The following PSD variants were observed in gnomAD, a reference collection of about 807,000 sequenced individuals.
PSD encodes PH and SEC7 domain-containing protein 1.
In PSD, 32 loss-of-function variants were observed where a neutral mutation model predicts 91.6. The observed-to-expected ratio is 0.35, with a 90% CI of 0.26 to 0.47. The LOEUF (loss-of-function observed/expected upper bound fraction) is 0.47, where lower values mean the gene tolerates loss of function less well. Ranked by LOEUF, PSD falls within the 20% of genes least tolerant of loss-of-function variation. The pLI is 1.00. For missense variants in PSD, 1,099 were observed against 1,373.9 expected, an observed-to-expected ratio of 0.80 and a Z score of 3.16; for synonymous variants, 532 against 569.3, an observed-to-expected ratio of 0.93 and a Z score of 0.93.
Position 102,404,347 on chromosome 10 carries a change from C to CAA in PSD, c.2700+234_2700+235dup, listed in dbSNP as rs35527887. 2.1e-3 allele frequency among the ~76,000 whole-genome samples: 219 copies of CAA among 102,902 alleles called. 1 individual carries two copies. The highest frequency in any genetic ancestry group is 6.1e-3 in the African/African-American group (155 of 25,534). 67.5% of individuals were successfully genotyped at this position (102,902 alleles called of 152,430 possible). A position where few individuals can be genotyped will look rare whatever the true frequency, so the allele number is the denominator to read the frequency against. The stretch of plus-strand genomic sequence containing the variant: ...TGGGCAACAGAGCGAGACTCCATCT[C>CAA]AAAAAAAAAAAAAAAAAAGATGCCC... On this transcript the variant is annotated intron_variant, in intron 15 of 16. Coordinates refer to ENST00000020673, the MANE Select transcript of PSD (RefSeq NM_002779.5). This position sits in a 1 kb window ranked among gnomAD's most constrained non-coding sequence, Gnocchi z 5.7.
chr10:102,419,945 A>G, upstream of PSD: 1 of 287,084 alleles, frequency 3.5e-6, no homozygotes, highest in Non-Finnish European at 6.5e-6. This position sits in a 1 kb window ranked among gnomAD's most constrained non-coding sequence, Gnocchi z 4.8. Flanking sequence ...GGGTGGGGAA[A>G]CGTGGAAGGA....
chr10:102,405,296 C>T lies in PSD; in HGVS notation c.2327-43G>A. 6.2e-7 allele frequency: 1 copy of T among 1,608,954 alleles called. No individual in the cohort carries two copies. On this transcript the variant is annotated intron_variant, in intron 12 of 16. Transcript: ENST00000020673. This position sits in a 1 kb window ranked among gnomAD's most constrained non-coding sequence, Gnocchi z 5.4. ...AGGTCAGGGGGCCCTGGAACAGGCC[C>T]ACTCCCATCCATCCCCTAGACGCCC...
At position 102,416,367 on chromosome 10, in the gene PSD, C is replaced by A; in HGVS notation, c.654+18G>T. On this transcript the variant is annotated intron_variant, in intron 2 of 16. Transcript: ENST00000020673. The surrounding 1 kb of genome is among the most constrained non-coding windows in gnomAD (Gnocchi z 6.0). ...CCCCTTCACTGGGGGCCCAGGGAGC[C>A]CAGGGGAAGTTGCATACCTGGTTCA... 1 of 1,584,350 alleles carries A rather than the reference C, an allele frequency of 6.3e-7. No homozygotes were observed. Among genetic ancestry groups the A allele is most frequent in the Non-Finnish European group, 8.6e-7 (1 of 1,165,934 alleles).
At chr10:102,408,928 G>C (rs1259941268) in intron 10 of PSD, 2 of 987,426 alleles carry the variant, frequency 2.0e-6, no homozygotes, top group African/African-American at 3.5e-5. Context: ...GCAGGCGGCT[G>C]ACCACCAGGT....
In PSD at chr10:102,404,986, G is replaced by C; in HGVS notation, c.2467C>G (p.Leu823Val). The C allele has an allele frequency of 1.9e-6, 3 of 1,614,098 alleles. No individual in the cohort carries two copies. The highest frequency in any genetic ancestry group is 2.5e-6 in the Non-Finnish European group (3 of 1,179,982). The change falls in exon 14 of 17, where the codon CTG becomes GTG. Residue 823 changes from leucine to valine, a missense_variant. Leu to Val is a conservative substitution (Grantham distance 32). Transcript: ENST00000020673. This position sits in a 1 kb window ranked among gnomAD's most constrained non-coding sequence, Gnocchi z 5.7. Reference protein sequence around the residue: ...LKNAISIHHALATRASDYSKR... With the variant: ...LKNAISIHHAVATRASDYSKR... ...CTGTAGTCACTGGCACGAGTGGCCAGGGCATGGTGGATGCTGATGGCATTC... is the reference window on the plus strand; with the variant it reads ...CTGTAGTCACTGGCACGAGTGGCCACGGCATGGTGGATGCTGATGGCATTC...
rs566899072 is a variant in PSD at position 102,416,867 on chromosome 10, G to A, written c.172C>T (p.Arg58Trp). ...GGTGCTGTCACACGTCCCAGTTCCC[G>A]GCCTCGAGGACCTGGACCTGCCACT... The part of the protein sequence containing the change: ...RRVAGPGPRG[R>W]ELGRVTAPCT... The change falls in exon 2 of 17, where the codon CGG becomes TGG. Residue 58 changes from arginine (R) to tryptophan (W), a missense_variant. Coordinates refer to ENST00000020673, the MANE Select transcript of PSD (RefSeq NM_002779.5). The surrounding 1 kb of genome is among the most constrained non-coding windows in gnomAD (Gnocchi z 6.0). 6.9e-6 allele frequency: 11 copies of A among 1,600,472 alleles called. No homozygotes were observed. Among genetic ancestry groups the A allele is most frequent in the South Asian group, 2.2e-5 (2 of 89,234 alleles).
In PSD at chr10:102,405,529, C is replaced by T; in HGVS notation, c.2143G>A (p.Glu715Lys). ...NEKLQWAIDE[E>K]ELRRSLSELA... is the part of the protein sequence containing the mutation. ...TCAGACAGAGAGCGTCTCAGCTCCT[C>T]CTCGTCTCTGCAGGTGTGATCACCT... Residue 715 changes from glutamate (E) to lysine (K), a missense_variant, in exon 12 of 17, where the codon GAG (glutamate) becomes AAG (lysine). Physicochemically the swap from Glu to Lys is moderately conservative, Grantham distance 56 (BLOSUM62 1). This residue lies in a region of PSD where 358 missense variants were observed against 426.5 expected (regional missense o/e 0.84). Coordinates refer to ENST00000020673, the MANE Select transcript of PSD (RefSeq NM_002779.5). The surrounding 1 kb of genome is among the most constrained non-coding windows in gnomAD (Gnocchi z 5.4). The T allele has an allele frequency of 6.2e-7, 1 of 1,612,908 alleles. No homozygotes were observed.
intron 10 of PSD, chr10:102,408,951 C>T: frequency 1.0e-6 from 1 of 987,604 alleles, no homozygotes; most frequent in South Asian, 4.7e-5. Context: ...GTGTAGAGCA[C>T]GGGCTTGAGG....
In PSD at chr10:102,414,809, C is replaced by T. The variant is rs534957372; in HGVS notation, c.1124+54G>A. On this transcript the variant is annotated intron_variant, in intron 4 of 16. Transcript: ENST00000020673. This position sits in a 1 kb window ranked among gnomAD's most constrained non-coding sequence, Gnocchi z 5.6. ...GCCCGGCTCTGCCTGTGGGCCAGTG[C>T]GAAGGAGCAAGCCGCTTCCCTCTCC... 57 of 1,483,220 alleles carry T rather than the reference C, an allele frequency of 3.8e-5. No individual in the cohort carries two copies. The South Asian group carries it at 7.0e-4, about 18-fold the overall frequency. The allele number at this position is 1,483,220 out of a possible 1,614,324, so 91.9% of individuals were successfully genotyped here. A position where few individuals can be genotyped will look rare whatever the true frequency, so the allele number is the denominator to read the frequency against.
chr10:102,408,054 A>C (rs1035167753), intron 10 of PSD, among the ~76,000 whole-genome samples: 5 of 152,216 alleles, frequency 3.3e-5, no homozygotes, highest in Non-Finnish European at 7.4e-5. Context: ...AATAGGCTCC[A>C]GGAGTGGCAT....
At chr10:102,413,646 T>TA in intron 5 of PSD, 123 bp downstream of exon 5, 1 of 1,013,920 alleles carries the variant, frequency 9.9e-7, no homozygotes, top group Non-Finnish European at 1.4e-6. Flanking sequence ...CTGCATCCCT[T>TA]AACCACCCCT....
chr10:102,416,392 A>G lies in PSD; in HGVS notation c.647T>C (p.Leu216Pro). 1.9e-6 allele frequency: 3 copies of G among 1,599,332 alleles called. No individual in the cohort carries two copies. Among genetic ancestry groups the G allele is most frequent in the Non-Finnish European group, 2.6e-6 (3 of 1,173,734 alleles). Residue 216 changes from leucine (L) to proline (P), a missense_variant, in exon 2 of 17, where the codon CTG (leucine) becomes CCG (proline). Coordinates refer to ENST00000020673, the MANE Select transcript of PSD (RefSeq NM_002779.5). The surrounding 1 kb of genome is among the most constrained non-coding windows in gnomAD (Gnocchi z 6.0). ...LFGGPADTGF[L>P]NQGDTWSSPR... ...CCAGGGGAAGTTGCATACCTGGTTC[A>G]GGAATCCAGTGTCAGCAGGTCCTCC...
chr10:102,408,041 G>C (rs983839722), intron 10 of PSD, among the ~76,000 whole-genome samples: 1 of 152,236 alleles, frequency 6.6e-6, no homozygotes, highest in African/African-American at 2.4e-5. Context: ...GGTCAGAAGA[G>C]AGAATAGGCT....
At chr10:102,412,263 G>C in intron 6 of PSD, 36 bp from the exon 7 acceptor site, 2 of 1,612,652 alleles carry the variant, frequency 1.2e-6, no homozygotes, top group East Asian at 2.2e-5. Flanking sequence ...AGGGTCTCAA[G>C]GGGAAGTGCA....
At position 102,414,986 on chromosome 10, in the gene PSD, C is replaced by A. The variant is rs140039700; in HGVS notation, c.1001G>T (p.Arg334Leu). The change falls in exon 4 of 17, where the codon CGG becomes CTG. Residue 334 changes from arginine to leucine, a missense_variant. This residue lies in a region of PSD where 631 missense variants were observed against 728.8 expected (regional missense o/e 0.87). Transcript: ENST00000020673. The surrounding 1 kb of genome is among the most constrained non-coding windows in gnomAD (Gnocchi z 5.6). ...ATGAGGGCCAGGGAGTGGGCCGGGC[C>A]GTGGGGCAGGTGGGTAGGCAGTGCC... ...PPGTAYPPAP[R>L]PGPLPGPHPS... 1 of 1,600,030 alleles carries A rather than the reference C, an allele frequency of 6.2e-7. No homozygotes were observed. The highest frequency in any genetic ancestry group is 8.5e-7 in the Non-Finnish European group (1 of 1,170,258).
chr10:102,406,711 T>C (rs1358141672), intron 11 of PSD, among the ~76,000 whole-genome samples: 1 of 152,194 alleles, frequency 6.6e-6, no homozygotes, highest in Admixed American at 6.5e-5. Context: ...TTCACCGTTT[T>C]AGCCAGGATG....
chr10:102,414,014 C>T lies in PSD; in HGVS notation c.1308G>A (p.Gln436=). The part of the protein sequence containing the change: ...LEALASPGPT[Q]SPFFTFELPP... ...GCAGCTCAAAGGTGAAGAAGGGGCTCTGGGTTGGGCCAGGTGAGGCCAAGG... is the reference window on the plus strand; with the variant it reads ...GCAGCTCAAAGGTGAAGAAGGGGCTTTGGGTTGGGCCAGGTGAGGCCAAGG... Residue 436 remains glutamine, a synonymous_variant, in exon 5 of 17, where the codon CAG becomes CAA. Transcript: ENST00000020673. The surrounding 1 kb of genome is among the most constrained non-coding windows in gnomAD (Gnocchi z 5.6). The T allele has an allele frequency of 6.2e-7, 1 of 1,613,958 alleles. No homozygotes were observed. Among genetic ancestry groups the T allele is most frequent in the Non-Finnish European group, 8.5e-7 (1 of 1,179,852 alleles).
At position 102,409,084 on chromosome 10, in the gene PSD, G is replaced by A. The variant is rs1287704289; in HGVS notation, c.2091+1774C>T. On this transcript the variant is annotated intron_variant, in intron 10 of 16. Coordinates refer to ENST00000020673, the MANE Select transcript of PSD (RefSeq NM_002779.5). This position sits in a 1 kb window ranked among gnomAD's most constrained non-coding sequence, Gnocchi z 5.7. ...CGGCGCTGCTGTGGATGCTGTTGACGCCGATCATGCTGGCCCGGCCGGCGC... is the reference window on the plus strand; with the variant it reads ...CGGCGCTGCTGTGGATGCTGTTGACACCGATCATGCTGGCCCGGCCGGCGC... 7 of 984,534 alleles carry A rather than the reference G, an allele frequency of 7.1e-6. No homozygotes were observed. The highest frequency in any genetic ancestry group is 8.4e-6 in the Non-Finnish European group (7 of 829,624). 61.0% of individuals were successfully genotyped at this position (984,534 alleles called of 1,614,324 possible). A position where few individuals can be genotyped will look rare whatever the true frequency, so the allele number is the denominator to read the frequency against.
rs1345149257 is a variant in PSD, at chr10:102,404,119, C to T, written c.2701-134G>A. On this transcript the variant is annotated intron_variant, in intron 15 of 16. Transcript: ENST00000020673. The surrounding 1 kb of genome is among the most constrained non-coding windows in gnomAD (Gnocchi z 5.7). ...ATCCCAGCACTTTGGGAGGCCAAGGCGGGCGGATCACGAGGTCAGGAGATC... is the reference window on the plus strand; with the variant it reads ...ATCCCAGCACTTTGGGAGGCCAAGGTGGGCGGATCACGAGGTCAGGAGATC... 9 of 1,096,072 alleles carry T rather than the reference C, an allele frequency of 8.2e-6. No individual in the cohort carries two copies. The highest frequency in any genetic ancestry group is 5.9e-5 in the Admixed American group (2 of 33,626). The allele number at this position is 1,096,072 out of a possible 1,614,324, so 67.9% of individuals were successfully genotyped here.
Sources: gnomAD v4.1 joint callset for allele counts (sites outside exome capture counted in the v4.1 genomes callset) on GRCh38, gnomAD v4.1.1 for gene constraint, gnomAD v4.1.1 regional missense constraint, Gnocchi (gnomAD v3.1) non-coding constraint, MANE v1.5 for transcripts, NCBI Gene and HGNC (gene_info 2026-07-23, HGNC 2026-07-21) for gene names.